Variants in RIN3 observed in about 807,000 individuals in gnomAD.
The protein encoded by RIN3 is Ras and Rab interactor 3, also known as RAB5 interacting protein 3.
RIN3 carries 54 observed loss-of-function variants against 76.3 expected under a neutral mutation model. The observed-to-expected ratio is 0.71, with a 90% CI of 0.57 to 0.89. RIN3 has a LOEUF of 0.89. Ranked by LOEUF, RIN3 falls within the 40% of genes least tolerant of loss-of-function variation. The pLI, the probability that RIN3 is intolerant of heterozygous loss-of-function variation, is 0.00. For synonymous variants in RIN3, 576 were observed against 564.0 expected, an observed-to-expected ratio of 1.02 and a Z score of -0.30; for missense variants, 1,256 against 1,322.1, an observed-to-expected ratio of 0.95 and a Z score of 0.78.
chr14:92,538,473 C>G (rs1180303222), intron 1 of RIN3, among the ~76,000 whole-genome samples: 1 of 152,162 alleles, frequency 6.6e-6, no homozygotes, highest in African/African-American at 2.4e-5. Context: ...GTAGATGGGC[C>G]AGACACTGGA....
intron 3 of RIN3, among the ~76,000 whole-genome samples, chr14:92,602,175 A>G (rs1167203962): frequency 6.6e-6 from 1 of 152,220 alleles, no homozygotes; most frequent in Non-Finnish European, 1.5e-5. Context: ...AGCTTCGTCC[A>G]GGGCCAGAGC....
chr14:92,645,804 A>T (rs1416225167), intron 5 of RIN3, among the ~76,000 whole-genome samples: 2 of 152,178 alleles, frequency 1.3e-5, no homozygotes, highest in East Asian at 3.9e-4. Context: ...AAATTCAAAA[A>T]TTAGCCAGGC....
chr14:92,676,326 C>G, intron 7 of RIN3, 149 bp from the exon 8 acceptor site: 1 of 920,892 alleles, frequency 1.1e-6, no homozygotes, highest in Admixed American at 2.5e-5. Context: ...TGGGTCCTCT[C>G]TGTCCTGAGA....
intron 3 of RIN3, among the ~76,000 whole-genome samples, chr14:92,597,162 G>A (rs1203828897): frequency 2.1e-5 from 2 of 94,652 alleles, no homozygotes; most frequent in African/African-American, 6.6e-5. Context: ...GATGATGTGT[G>A]TTTATATATA....
At chr14:92,631,629 TCTCA>T (rs1181900047) in intron 4 of RIN3, among the ~76,000 whole-genome samples, 1 of 150,886 alleles carries the variant, frequency 6.6e-6, no homozygotes, top group Non-Finnish European at 1.5e-5. Flanking sequence ...GGGGTTGGAG[TCTCA>T]CTCTGTCACC....
rs1897965916 is a variant in RIN3, at chr14:92,568,190, A to T, written c.250-9170A>T. ...TTGAGACTTTTCACATGGAAACCCC[A>T]AAGGTGTTGGAGAAAGGGCTCTGGG... On this transcript the variant is annotated intron_variant, in intron 2 of 9. Coordinates refer to ENST00000216487, the MANE Select transcript of RIN3 (RefSeq NM_024832.5). This position sits in a 1 kb window ranked among gnomAD's most constrained non-coding sequence, Gnocchi z 4.2. 6.6e-6 allele frequency among the ~76,000 whole-genome samples: 1 copy of T among 152,110 alleles called. No individual in the cohort carries two copies. Among genetic ancestry groups the T allele is most frequent in the South Asian group, 2.1e-4 (1 of 4,816 alleles).
intron 1 of RIN3, among the ~76,000 whole-genome samples, chr14:92,525,672 G>T (rs1896709808): frequency 6.6e-6 from 1 of 152,106 alleles, no homozygotes; most frequent in African/African-American, 2.4e-5. Context: ...AACAGTGCAG[G>T]GTCGGCCACA....
chr14:92,571,666 C>T (rs1486947817), intron 2 of RIN3, among the ~76,000 whole-genome samples: 1 of 152,176 alleles, frequency 6.6e-6, no homozygotes, highest in Non-Finnish European at 1.5e-5. Flanking sequence ...GTGGGCTTCC[C>T]AGGCAACTGC....
In RIN3 at chr14:92,514,704, C is replaced by T. The variant is rs1348135283; in HGVS notation, c.44+728C>T. 4.6e-5 allele frequency among the ~76,000 whole-genome samples: 7 copies of T among 152,214 alleles called. No individual in the cohort carries two copies. Among genetic ancestry groups the T allele is most frequent in the African/African-American group, 1.4e-4 (6 of 41,462 alleles). Reference sequence around the variant, plus strand: ...CCCGGTGGCTAAGTCCCCGCTCCGCCTCCTTGTCGCCCCCAGCCCCACCTC... The same window carrying T: ...CCCGGTGGCTAAGTCCCCGCTCCGCTTCCTTGTCGCCCCCAGCCCCACCTC... On this transcript the variant is annotated intron_variant, in intron 1 of 9. Transcript: ENST00000216487. The surrounding 1 kb of genome is among the most constrained non-coding windows in gnomAD (Gnocchi z 7.2).
chr14:92,592,520 G>C (rs1043833321), intron 3 of RIN3, among the ~76,000 whole-genome samples: 22 of 151,688 alleles, frequency 1.5e-4, no homozygotes, highest in South Asian at 2.1e-4. Context: ...ATGGTGTAGT[G>C]TTAGCATATA....
At chr14:92,594,721 C>G (rs1156881872) in intron 3 of RIN3, among the ~76,000 whole-genome samples, 1 of 152,090 alleles carries the variant, frequency 6.6e-6, no homozygotes, top group Non-Finnish European at 1.5e-5. Flanking sequence ...AGAAGAAAAC[C>G]TGGTTTTATA....
chr14:92,572,480 G>A (rs1424322201), intron 2 of RIN3, among the ~76,000 whole-genome samples: 2 of 152,130 alleles, frequency 1.3e-5, no homozygotes, highest in East Asian at 3.8e-4. Context: ...GTTTCCCTGG[G>A]GTGACAGCTG....
chr14:92,597,000 T>C (rs1368983223), intron 3 of RIN3, among the ~76,000 whole-genome samples: 1 of 152,182 alleles, frequency 6.6e-6, no homozygotes, highest in East Asian at 1.9e-4. Context: ...TTTTCCCTCC[T>C]GGAGAGCTGG....
At chr14:92,676,160 TTGTC>T in intron 7 of RIN3, among the ~76,000 whole-genome samples, 1 of 151,528 alleles carries the variant, frequency 6.6e-6, no homozygotes, top group Non-Finnish European at 1.5e-5. Flanking sequence ...TGATGTGAAT[TTGTC>T]TGTCAAGCAA....
intron 1 of RIN3, among the ~76,000 whole-genome samples, chr14:92,552,453 A>G (rs1897454003): frequency 6.6e-6 from 1 of 152,176 alleles, no homozygotes; most frequent in Admixed American, 6.5e-5. Context: ...GCTAGCTGGA[A>G]GCCCAGCCCT....
intron 1 of RIN3, among the ~76,000 whole-genome samples, chr14:92,539,679 T>A (rs1444763339): frequency 1.3e-5 from 2 of 151,972 alleles, no homozygotes; most frequent in African/African-American, 4.8e-5. Flanking sequence ...CTGAGTCAGT[T>A]TAGTCCTGGA....
At chr14:92,598,280 G>A (rs1382589813) in intron 3 of RIN3, among the ~76,000 whole-genome samples, 1 of 152,124 alleles carries the variant, frequency 6.6e-6, no homozygotes, top group African/African-American at 2.4e-5. Context: ...GGTGAATCCA[G>A]CCTTCCAGCT....
intron 3 of RIN3, among the ~76,000 whole-genome samples, chr14:92,612,534 C>T (rs1388185364): frequency 6.6e-6 from 1 of 152,226 alleles, no homozygotes; most frequent in Non-Finnish European, 1.5e-5. Context: ...GGGTGTCTTT[C>T]CCAGACAGAC....
chr14:92,515,628 C>T lies in RIN3; in HGVS notation c.44+1652C>T, dbSNP rs1896419878. Reference sequence around the variant, plus strand: ...TATCATTTGTTGGGTATGATCCCTCCATTTGCCAAATGTGTAACCTTAGAC... The same window carrying T: ...TATCATTTGTTGGGTATGATCCCTCTATTTGCCAAATGTGTAACCTTAGAC... On this transcript the variant is annotated intron_variant, in intron 1 of 9. Transcript: ENST00000216487. 1.6e-5 allele frequency: 4 copies of T among 243,950 alleles called. No homozygotes were observed. The East Asian group carries it at 3.1e-4, about 19-fold the overall frequency. The allele number at this position is 243,950 out of a possible 1,614,324, so 15.1% of individuals were successfully genotyped here.
Sources: gnomAD v4.1 joint callset for allele counts (sites outside exome capture counted in the v4.1 genomes callset) on GRCh38, gnomAD v4.1.1 for gene constraint, Gnocchi (gnomAD v3.1) non-coding constraint, MANE v1.5 for transcripts, NCBI Gene and HGNC (gene_info 2026-07-23, HGNC 2026-07-21) for gene names.